COL8A2: variants seen among roughly 807,000 people sequenced by gnomAD.
The protein encoded by COL8A2 is collagen type VIII alpha 2 chain.
COL8A2 carries 16 observed loss-of-function variants against 24.0 expected under a neutral mutation model. The observed-to-expected ratio is 0.67, with a 90% CI of 0.45 to 1.01. The LOEUF is 1.01. Ranked by LOEUF, COL8A2 falls within the 50% of genes least tolerant of loss-of-function variation. The pLI, the probability that COL8A2 is intolerant of heterozygous loss-of-function variation, is 0.00. For missense variants in COL8A2, 818 were observed against 942.4 expected (o/e 0.87, Z 1.73); for synonymous variants, 466 against 424.5 (o/e 1.10, Z -1.20).
At position 36,098,034 on chromosome 1, in the gene COL8A2, G is replaced by A. The variant is rs771854427; in HGVS notation, c.1647C>T (p.Gly549=). 1.2e-5 allele frequency: 19 copies of A among 1,592,702 alleles called. No homozygotes were observed. Among genetic ancestry groups the A allele is most frequent in the Admixed American group, 1.2e-4 (7 of 59,454 alleles). The change falls in exon 4 of 4, where the codon GGC becomes GGT. Residue 549 remains glycine, a synonymous_variant. Transcript: ENST00000397799. ...TGCCCAGCACGGCACCCTCCACACC[G>A]CCGTTGGGCAGGTGCAAGCCTGCGA... ...TGIAGLHLPN[G]GVEGAVLGKG...
At position 36,098,297 on chromosome 1, in the gene COL8A2, A is replaced by AG; in HGVS notation, c.1383dup (p.Ser462LeufsTer77). On this transcript the variant is annotated frameshift_variant, in exon 4 of 4. Coordinates refer to ENST00000397799, the MANE Select transcript of COL8A2 (RefSeq NM_005202.4). LOFTEE classifies it high-confidence loss of function. The stretch of plus-strand genomic sequence containing the variant: ...GGACCCTGGAGTCCTGGGATTCCTG[A>AG]GGGACCCCTCAGGCCAGGCTGCCCA... The AG allele has an allele frequency of 6.5e-7, 1 of 1,546,784 alleles. No individual in the cohort carries two copies. Among genetic ancestry groups the AG allele is most frequent in the Non-Finnish European group, 8.7e-7 (1 of 1,145,884 alleles).
At position 36,123,547 on chromosome 1, in the gene COL8A2, G is replaced by A. The variant is rs190113495; in HGVS notation, c.-62+1510C>T. 3.3e-5 allele frequency among the ~76,000 whole-genome samples: 5 copies of A among 152,316 alleles called. No individual in the cohort carries two copies. The highest frequency in any genetic ancestry group is 9.6e-5 in the African/African-American group (4 of 41,568). On this transcript the variant is annotated intron_variant, in intron 1 of 3. Transcript: ENST00000397799. This position sits in a 1 kb window ranked among gnomAD's most constrained non-coding sequence, Gnocchi z 4.1. ...GACCCTGGTGAGTGTGTCTGGGTGT[G>A]AGCGTATGTGTGTGTGTGCCGTCCT... is the stretch of plus-strand genomic sequence containing the variant.
Position 36,100,793 on chromosome 1 carries a change from G to A in COL8A2, c.-16-535C>T, listed in dbSNP as rs192242784. 2.0e-3 allele frequency among the ~76,000 whole-genome samples: 305 copies of A among 151,012 alleles called. 2 individuals carry two copies. The highest frequency in any genetic ancestry group is 3.0e-3 in the Non-Finnish European group (202 of 67,880). Reference sequence around the variant, plus strand: ...AAGCCAGAGATGGGATTTGTCTTAGGTCTGTCTGACTGCACCTTCTGCTGA... The same window carrying A: ...AAGCCAGAGATGGGATTTGTCTTAGATCTGTCTGACTGCACCTTCTGCTGA... On this transcript the variant is annotated intron_variant, in intron 2 of 3. Coordinates refer to ENST00000397799, the MANE Select transcript of COL8A2 (RefSeq NM_005202.4).
At position 36,123,792 on chromosome 1, in the gene COL8A2, C is replaced by T. The variant is rs1236414084; in HGVS notation, c.-62+1265G>A. Among the ~76,000 whole-genome samples the T allele has an allele frequency of 6.6e-6, 1 of 152,084 alleles. No homozygotes were observed. The highest frequency in any genetic ancestry group is 6.5e-5 in the Admixed American group (1 of 15,268). On this transcript the variant is annotated intron_variant, in intron 1 of 3. Transcript: ENST00000397799. This position sits in a 1 kb window ranked among gnomAD's most constrained non-coding sequence, Gnocchi z 4.1. ...CTGGGTGAGCATGTCTGTGGTTTCTCCTCATTATCATCTAGGGTCATTGTG... is the reference window on the plus strand; with the variant it reads ...CTGGGTGAGCATGTCTGTGGTTTCTTCTCATTATCATCTAGGGTCATTGTG...
At chr1:36,118,056 G>A (rs1287959116) in intron 1 of COL8A2, among the ~76,000 whole-genome samples, 1 of 152,072 alleles carries the variant, frequency 6.6e-6, no homozygotes, top group Non-Finnish European at 1.5e-5. Context: ...CATGTTAACC[G>A]TTAAGAACAA....
chr1:36,119,776 G>C (rs1014978891), intron 1 of COL8A2, among the ~76,000 whole-genome samples: 1 of 152,206 alleles, frequency 6.6e-6, no homozygotes, highest in African/African-American at 2.4e-5. Context: ...GGAGACCAAA[G>C]AGTTGGCCAC....
intron 1 of COL8A2, 138 bp downstream of exon 1, chr1:36,124,919 G>T: frequency 5.2e-6 from 1 of 191,124 alleles, no homozygotes; most frequent in Non-Finnish European, 9.7e-6. Flanking sequence ...CCCCTGGCCC[G>T]AGTCCCCCAC....
At chr1:36,105,302 C>T (rs1400964385) in intron 2 of COL8A2, among the ~76,000 whole-genome samples, 1 of 152,238 alleles carries the variant, frequency 6.6e-6, no homozygotes, top group Non-Finnish European at 1.5e-5. Flanking sequence ...ACACTTGCCA[C>T]ATCTGTCCCT....
intron 2 of COL8A2, among the ~76,000 whole-genome samples, chr1:36,113,866 A>C (rs1294492370): frequency 1.3e-5 from 2 of 152,166 alleles, no homozygotes; most frequent in Non-Finnish European, 2.9e-5. Context: ...GAGAGATCAG[A>C]GTTCAACAGG....
chr1:36,109,993 G>A (rs1469436744), intron 2 of COL8A2, among the ~76,000 whole-genome samples: 4 of 140,422 alleles, frequency 2.8e-5, no homozygotes, highest in African/African-American at 8.1e-5. Context: ...GCAGTGGCGC[G>A]ATCTCGACTC....
chr1:36,112,922 T>C (rs1643862354), intron 2 of COL8A2, among the ~76,000 whole-genome samples: 1 of 152,216 alleles, frequency 6.6e-6, no homozygotes, highest in Non-Finnish European at 1.5e-5. Context: ...GTTCTGCCCA[T>C]GGCTGTCCCC....
intron 1 of COL8A2, among the ~76,000 whole-genome samples, chr1:36,118,629 G>A (rs1394893476): frequency 1.3e-5 from 2 of 152,116 alleles, no homozygotes; most frequent in South Asian, 2.1e-4. Flanking sequence ...AGAGCCTGCC[G>A]CTGTTGGCTA....
chr1:36,109,109 C>T (rs1392220766), intron 2 of COL8A2, among the ~76,000 whole-genome samples: 2 of 152,246 alleles, frequency 1.3e-5, no homozygotes, highest in African/African-American at 4.8e-5. Context: ...CCCACCCACC[C>T]CAGACAGAGC....
At position 36,097,591 on chromosome 1, in the gene COL8A2, C is replaced by T; in HGVS notation, c.2090G>A (p.Gly697Glu). 6.2e-7 allele frequency: 1 copy of T among 1,609,702 alleles called. No homozygotes were observed. The highest frequency in any genetic ancestry group is 8.5e-7 in the Non-Finnish European group (1 of 1,177,422). The change falls in exon 4 of 4, where the codon GGA (glycine) becomes GAA (glutamate). Residue 697 changes from glycine (G) to glutamate (E), a missense_variant. By Grantham distance (98) the Gly-to-Glu change is moderately conservative (BLOSUM62 -2). This residue lies in a region of COL8A2 where 235 missense variants were observed against 297.3 expected (regional missense o/e 0.79). Coordinates refer to ENST00000397799, the MANE Select transcript of COL8A2 (RefSeq NM_005202.4). ...GGGTTATGTGGGGCAGAGCAAGAATCCTGAAAAGGAGGAGTGGATGTACTC... is the reference window on the plus strand; with the variant it reads ...GGGTTATGTGGGGCAGAGCAAGAATTCTGAAAAGGAGGAGTGGATGTACTC... ...STEYIHSSFSGFLLCPT is the reference protein window; with the variant it reads ...STEYIHSSFSEFLLCPT
At chr1:36,107,606 T>C (rs1200586553) in intron 2 of COL8A2, among the ~76,000 whole-genome samples, 1 of 151,546 alleles carries the variant, frequency 6.6e-6, no homozygotes, top group Non-Finnish European at 1.5e-5. Context: ...AGCTGGGGAG[T>C]GCGCACTGGC....
chr1:36,120,656 G>A (rs569895753), intron 1 of COL8A2, among the ~76,000 whole-genome samples: 2 of 151,226 alleles, frequency 1.3e-5, no homozygotes, highest in East Asian at 3.9e-4. Flanking sequence ...GCTGAGGCAA[G>A]AGAATCACTT....
chr1:36,118,420 C>T (rs994275776), intron 1 of COL8A2, among the ~76,000 whole-genome samples: 3 of 152,210 alleles, frequency 2.0e-5, no homozygotes, highest in African/African-American at 7.2e-5. Flanking sequence ...GAGTGGGCAG[C>T]TACTATCAGG....
At chr1:36,116,856 T>TG (rs1246386023) in intron 1 of COL8A2, among the ~76,000 whole-genome samples, 1 of 152,110 alleles carries the variant, frequency 6.6e-6, no homozygotes, top group Non-Finnish European at 1.5e-5. Flanking sequence ...GGTTATTTAG[T>TG]GGGGGAAGTG....
intron 2 of COL8A2, 130 bp from the exon 3 acceptor site, chr1:36,100,388 G>A (rs1293392438): frequency 6.8e-6 from 6 of 885,022 alleles, no homozygotes; most frequent in Admixed American, 4.5e-5. Context: ...AAGCAATTCC[G>A]AATTTAGATA....
Sources: gnomAD v4.1 joint callset for allele counts (sites outside exome capture counted in the v4.1 genomes callset) on GRCh38, gnomAD v4.1.1 for gene constraint, gnomAD v4.1.1 regional missense constraint, Gnocchi (gnomAD v3.1) non-coding constraint, MANE v1.5 for transcripts, NCBI Gene and HGNC (gene_info 2026-07-23, HGNC 2026-07-21) for gene names.